The following CEP41 variants were observed in gnomAD, a reference collection of about 807,000 sequenced individuals.
CEP41 encodes the protein centrosomal protein 41, also known as centrosomal protein of 41 kDa.
Under a neutral mutation model 44.3 loss-of-function variants are expected in CEP41, and 32 were observed. The observed-to-expected ratio is 0.72, with a 90% CI of 0.54 to 0.97. The LOEUF (loss-of-function observed/expected upper bound fraction) is 0.97, where lower values mean the gene tolerates loss of function less well. Among genes scored for constraint, CEP41 ranks in the 50% least tolerant of loss-of-function variants. CEP41 has a pLI of 0.00. For missense variants in CEP41, 432 were observed against 455.2 expected, an observed-to-expected ratio of 0.95 and a Z score of 0.46; for synonymous variants, 151 against 168.5, an observed-to-expected ratio of 0.90 and a Z score of 0.80.
chr7:130,414,482 C>T (rs1408296646), intron 3 of CEP41, among the ~76,000 whole-genome samples: 3 of 152,206 alleles, frequency 2.0e-5, no homozygotes, highest in Non-Finnish European at 4.4e-5. Context: ...CATTTATCCA[C>T]TGATATTCTT....
upstream of CEP41, chr7:130,441,259 G>T: frequency 1.9e-6 from 1 of 534,240 alleles, no homozygotes; most frequent in Non-Finnish European, 3.4e-6. Flanking sequence ...AGAGGCGCGG[G>T]GGGAGGGGAA....
intron 1 of CEP41, among the ~76,000 whole-genome samples, chr7:130,432,801 A>G (rs545291061): frequency 3.1e-4 from 47 of 152,158 alleles, no homozygotes; most frequent in African/African-American, 1.1e-3. Flanking sequence ...CTAGTTGGCT[A>G]CTTGCATCTA....
intron 5 of CEP41, among the ~76,000 whole-genome samples, chr7:130,408,395 A>C (rs1562982283): frequency 6.6e-6 from 1 of 152,244 alleles, no homozygotes; most frequent in Non-Finnish European, 1.5e-5. Context: ...CAAACCAATA[A>C]GAAAAAGATG....
chr7:130,441,093 G>C (rs1554427705), upstream of CEP41: 5 of 1,134,196 alleles, frequency 4.4e-6, no homozygotes, highest in Non-Finnish European at 6.5e-6. Flanking sequence ...CGTCTTCCCC[G>C]GCCGGCCAAT....
At chr7:130,427,403 G>T (rs1014752693) in intron 2 of CEP41, among the ~76,000 whole-genome samples, 4 of 152,092 alleles carry the variant, frequency 2.6e-5, no homozygotes, top group African/African-American at 9.7e-5. Context: ...TACCTGCACT[G>T]CAGCACTAAT....
At chr7:130,412,030 A>T in intron 4 of CEP41, 149 bp downstream of exon 4, 1 of 724,612 alleles carries the variant, frequency 1.4e-6, no homozygotes, top group Non-Finnish European at 2.5e-6. Flanking sequence ...CACACACACC[A>T]CATACCAATT....
At chr7:130,434,067 G>C (rs1554425679) in intron 1 of CEP41, among the ~76,000 whole-genome samples, 1 of 152,146 alleles carries the variant, frequency 6.6e-6, no homozygotes, top group African/African-American at 2.4e-5. Context: ...ATGGGAAGAA[G>C]GAATGGAAAA....
intron 5 of CEP41, among the ~76,000 whole-genome samples, chr7:130,407,978 AAAAG>A (rs1797064584): frequency 6.6e-6 from 1 of 152,144 alleles, no homozygotes; most frequent in Non-Finnish European, 1.5e-5. Flanking sequence ...ATATAATGTG[AAAAG>A]AGTAAAAAAG....
Position 130,411,181 on chromosome 7 carries a change from A to G in CEP41, c.218T>C (p.Val73Ala). 1.2e-6 allele frequency: 2 copies of G among 1,613,512 alleles called. No homozygotes were observed. The highest frequency in any genetic ancestry group is 1.7e-6 in the Non-Finnish European group (2 of 1,179,418). Reference sequence around the variant, plus strand: ...CAGTGTTTGATCAGAGAGGGAAGCAACTTGGATGATCTGATAGAAAAAAGA... The same window carrying G: ...CAGTGTTTGATCAGAGAGGGAAGCAGCTTGGATGATCTGATAGAAAAAAGA... ...VTTFAQLIIQ[V>A]ASLSDQTLEV... The change falls in exon 5 of 11, where the codon GTT (valine) becomes GCT (alanine). Residue 73 changes from valine to alanine, a missense_variant. Val to Ala is a moderately conservative substitution (Grantham distance 64, BLOSUM62 0). Transcript: ENST00000223208.
Position 130,412,176 on chromosome 7 carries a change from T to C in CEP41, c.207+3A>G. On this transcript the variant is annotated splice_donor_region_variant and intron_variant, in intron 4 of 10. Transcript: ENST00000223208. The stretch of plus-strand genomic sequence containing the variant: ...ACTCCAGTGGAAAAATCAAGAAACT[T>C]ACCAGCTGGGCAAAAGTTGTAACTT... 2.6e-6 allele frequency: 4 copies of C among 1,523,692 alleles called. No individual in the cohort carries two copies. Among genetic ancestry groups the C allele is most frequent in the Non-Finnish European group, 3.6e-6 (4 of 1,097,698 alleles). 94.4% of individuals were successfully genotyped at this position (1,523,692 alleles called of 1,614,324 possible).
In CEP41 at chr7:130,401,997, A is replaced by AC. The variant is rs781926918; in HGVS notation, c.575-50dup. 3.8e-6 allele frequency: 5 copies of AC among 1,299,782 alleles called. No individual in the cohort carries two copies. In the South Asian group the frequency reaches 5.9e-5, roughly 15 times the overall value. The allele number at this position is 1,299,782 out of a possible 1,614,324, so 80.5% of individuals were successfully genotyped here. A position where few individuals can be genotyped will look rare whatever the true frequency, so the allele number is the denominator to read the frequency against. On this transcript the variant is annotated intron_variant, in intron 7 of 10. Transcript: ENST00000223208. ...GGAAGTCTGTTGTTCTCTTAATACAACTTGGCCTCAATTCCCAGCTGGTTT... is the reference window on the plus strand; with the variant it reads ...GGAAGTCTGTTGTTCTCTTAATACAACCTTGGCCTCAATTCCCAGCTGGTTT...
chr7:130,396,286 G>A lies in CEP41; in HGVS notation c.*2605C>T, dbSNP rs886061992. 5.7e-5 allele frequency: 26 copies of A among 453,952 alleles called. No individual in the cohort carries two copies. The East Asian group carries it at 1.8e-3, about 32-fold the overall frequency. The allele number at this position is 453,952 out of a possible 1,614,324, so 28.1% of individuals were successfully genotyped here. ...CCCTGAGACGCTGGTAGGAAGCCAT[G>A]ATCCAGTTGTTGAAGGTGGCTTCAG... On this transcript the variant is annotated 3_prime_UTR_variant, in exon 11 of 11. Coordinates refer to ENST00000223208, the MANE Select transcript of CEP41 (RefSeq NM_018718.3).
rs1796807125 is a variant in CEP41 at position 130,400,424 on chromosome 7, A to G, written c.758-170T>C. On this transcript the variant is annotated intron_variant, in intron 9 of 10. Transcript: ENST00000223208. ...CATTAAGCAAATTATACCAGAAAATATCTGTTGTTACATGGGATTCTGAGA... is the reference window on the plus strand; with the variant it reads ...CATTAAGCAAATTATACCAGAAAATGTCTGTTGTTACATGGGATTCTGAGA... 3 of 671,442 alleles carry G rather than the reference A, an allele frequency of 4.5e-6. No individual in the cohort carries two copies. In the Admixed American group the frequency reaches 6.7e-5, roughly 15 times the overall value. The allele number at this position is 671,442 out of a possible 1,614,324, so 41.6% of individuals were successfully genotyped here. A position where few individuals can be genotyped will look rare whatever the true frequency, so the allele number is the denominator to read the frequency against.
At chr7:130,404,803 T>A in intron 5 of CEP41, 95 bp from the exon 6 acceptor site, 1 of 1,007,288 alleles carries the variant, frequency 9.9e-7, no homozygotes. Flanking sequence ...AAGGAAATCT[T>A]ATCATCATTA....
At chr7:130,412,412 T>C (rs892969941) in intron 3 of CEP41, among the ~76,000 whole-genome samples, 172 bp from the exon 4 acceptor site, 3 of 152,226 alleles carry the variant, frequency 2.0e-5, no homozygotes, top group Non-Finnish European at 4.4e-5. Context: ...GTATCATCTG[T>C]TCAGTTTGTT....
intron 3 of CEP41, among the ~76,000 whole-genome samples, chr7:130,412,982 T>C (rs1554420159): frequency 6.6e-6 from 1 of 152,216 alleles, no homozygotes; most frequent in Non-Finnish European, 1.5e-5. Flanking sequence ...TGTGTTCTTG[T>C]TTTTGTTGTT....
chr7:130,405,123 T>C (rs1256703831), intron 5 of CEP41, among the ~76,000 whole-genome samples: 1 of 152,204 alleles, frequency 6.6e-6, no homozygotes, highest in Non-Finnish European at 1.5e-5. Context: ...GTTAAAGCAG[T>C]AACACTTACT....
intron 10 of CEP41, chr7:130,399,687 G>A (rs902071852): frequency 2.6e-5 from 7 of 265,018 alleles, no homozygotes; most frequent in Non-Finnish European, 3.7e-5. Flanking sequence ...TGGTGTGGTG[G>A]CGGGCACCTG....
In CEP41 at chr7:130,415,745, G is replaced by A. The variant is rs369320215; in HGVS notation, c.145+1174C>T. On this transcript the variant is annotated intron_variant, in intron 3 of 10. Transcript: ENST00000223208. ...GACAAACCCAAAAAGAAGCAGGCCAGCTGGATTCTGCCTGTCTTGGATGAG... is the reference window on the plus strand; with the variant it reads ...GACAAACCCAAAAAGAAGCAGGCCAACTGGATTCTGCCTGTCTTGGATGAG... Among the ~76,000 whole-genome samples, 14 of 152,326 alleles carry A rather than the reference G, an allele frequency of 9.2e-5. No individual in the cohort carries two copies. The East Asian group carries it at 2.7e-3, about 29-fold the overall frequency.
Sources: gnomAD v4.1 joint callset for allele counts (sites outside exome capture counted in the v4.1 genomes callset) on GRCh38, gnomAD v4.1.1 for gene constraint, MANE v1.5 for transcripts, NCBI Gene and HGNC (gene_info 2026-07-23, HGNC 2026-07-21) for gene names.